The following MYO18B variants were observed in gnomAD, a reference collection of about 807,000 sequenced individuals.
MYO18B encodes unconventional myosin-XVIIIb.
MYO18B carries 204 observed loss-of-function variants against 273.0 expected under a neutral mutation model. The ratio of observed to expected loss-of-function variants is 0.75; its 90% CI spans 0.67 to 0.84. The LOEUF is 0.84. Among genes scored for constraint, MYO18B ranks in the 40% least tolerant of loss-of-function variants. The pLI, the probability that MYO18B is intolerant of heterozygous loss-of-function variation, is 0.00. For synonymous variants in MYO18B, 1,330 were observed against 1,305.7 expected (o/e 1.02, Z -0.40); for missense variants, 3,212 against 3,287.6 (o/e 0.98, Z 0.56).
At chr22:25,789,885 G>A (rs1197343589) in intron 11 of MYO18B, among the ~76,000 whole-genome samples, 1 of 152,156 alleles carries the variant, frequency 6.6e-6, no homozygotes, top group Non-Finnish European at 1.5e-5. Context: ...GGGCATGGTG[G>A]CTCATGCCTG....
chr22:25,850,311 G>A (rs748678450), intron 20 of MYO18B, among the ~76,000 whole-genome samples: 6 of 152,120 alleles, frequency 3.9e-5, no homozygotes, highest in Non-Finnish European at 8.8e-5. Flanking sequence ...TCGAGACCTG[G>A]AATTTGCGCT....
chr22:25,896,883 T>C (rs1420737459), intron 28 of MYO18B: 1 of 152,172 alleles, frequency 6.6e-6, no homozygotes, highest in Non-Finnish European at 1.5e-5. Flanking sequence ...ATGCACAGAA[T>C]TAGCTCTGTG....
chr22:25,846,906 C>T (rs5761273), intron 19 of MYO18B, among the ~76,000 whole-genome samples: 52,901 of 151,846 alleles, frequency 0.35, 9,939 homozygotes, highest in East Asian at 0.68. Context: ...ATGGTGAAAC[C>T]CTGTCTTTAC....
chr22:25,794,396 AGG>A (rs879659617), intron 11 of MYO18B, among the ~76,000 whole-genome samples: 2,394 of 151,276 alleles, frequency 0.016, 53 homozygotes, highest in African/African-American at 0.054. Context: ...TTGTAGAGAC[AGG>A]GTCTCACTCT....
chr22:25,912,234 T>C (rs1304623402), intron 33 of MYO18B, among the ~76,000 whole-genome samples: 1 of 152,180 alleles, frequency 6.6e-6, no homozygotes, highest in African/African-American at 2.4e-5. Flanking sequence ...AATATAATCT[T>C]CCTTCTTCTC....
intron 12 of MYO18B, among the ~76,000 whole-genome samples, chr22:25,822,267 T>C (rs1021069617): frequency 3.9e-5 from 6 of 152,192 alleles, no homozygotes; most frequent in African/African-American, 1.4e-4. Flanking sequence ...AGTACCTCCT[T>C]CTCACCTTTC....
intron 43 of MYO18B, among the ~76,000 whole-genome samples, chr22:26,030,120 C>A (rs1569314543): frequency 6.6e-6 from 1 of 152,208 alleles, no homozygotes. Context: ...CCCATAATCC[C>A]AGTTCTTTGG....
In MYO18B at chr22:25,780,072, C is replaced by A; in HGVS notation, c.2085C>A (p.Ala695=). 1 of 1,594,428 alleles carries A rather than the reference C, an allele frequency of 6.3e-7. No individual in the cohort carries two copies. The part of the protein sequence containing the change: ...DGRVSVEKIR[A]TFTVLRAFGS... ...CCCCAACAGTGGAGAAGATCCGAGC[C>A]ACCTTCACTGTCCTCCGGGCCTTCG... Residue 695 remains alanine, a synonymous_variant, in exon 9 of 44, where the codon GCC becomes GCA. Transcript: ENST00000335473.
At chr22:25,975,492 G>A (rs1256776237) in intron 39 of MYO18B, among the ~76,000 whole-genome samples, 1 of 152,130 alleles carries the variant, frequency 6.6e-6, no homozygotes, top group Non-Finnish European at 1.5e-5. Flanking sequence ...AAGTGCTTTC[G>A]ATATACCATC....
At chr22:26,015,484 G>T (rs923070583) in intron 42 of MYO18B, among the ~76,000 whole-genome samples, 4 of 152,186 alleles carry the variant, frequency 2.6e-5, no homozygotes, top group Non-Finnish European at 5.9e-5. Context: ...AAAAGAATGA[G>T]ATCATGTCCT....
In MYO18B at chr22:26,012,623, C is replaced by T. The variant is rs76527677; in HGVS notation, c.6470+7768C>T. The stretch of plus-strand genomic sequence containing the variant: ...GGATTTATCCTTAGGACCCAAATCC[C>T]TCTCAGACAGGTATTTATAGGAAGG... On this transcript the variant is annotated intron_variant, in intron 42 of 43. Transcript: ENST00000335473. 7.3e-3 allele frequency among the ~76,000 whole-genome samples: 1,108 copies of T among 152,310 alleles called. 7 individuals carry two copies. Among genetic ancestry groups the T allele is most frequent in the Non-Finnish European group, 9.8e-3 (668 of 68,030 alleles).
At chr22:26,035,193 A>G (rs1031234719), downstream of MYO18B, among the ~76,000 whole-genome samples, 1 of 152,222 alleles carries the variant, frequency 6.6e-6, no homozygotes. Context: ...GAAATGAACA[A>G]TTATCAAAAT....
At position 26,011,368 on chromosome 22, in the gene MYO18B, C is replaced by T. The variant is rs550239904; in HGVS notation, c.6470+6513C>T. Among the ~76,000 whole-genome samples the T allele has an allele frequency of 3.9e-5, 6 of 152,292 alleles. No homozygotes were observed. In the South Asian group the frequency reaches 1.2e-3, roughly 32 times the overall value. Reference sequence around the variant, plus strand: ...TACCTTTGGCCTAAGTCAGTCTTCTCACCTGGCTCTTGGAAATTCCCACCA... The same window carrying T: ...TACCTTTGGCCTAAGTCAGTCTTCTTACCTGGCTCTTGGAAATTCCCACCA... On this transcript the variant is annotated intron_variant, in intron 42 of 43. Transcript: ENST00000335473.
chr22:25,949,551 G>T (rs2092767484), intron 36 of MYO18B, among the ~76,000 whole-genome samples: 1 of 152,174 alleles, frequency 6.6e-6, no homozygotes, highest in Admixed American at 6.5e-5. Flanking sequence ...TACCTGCCAC[G>T]CTCTAAATGC....
chr22:25,770,366 A>G (rs1309466962), intron 5 of MYO18B, among the ~76,000 whole-genome samples, 190 bp downstream of exon 5: 2 of 152,206 alleles, frequency 1.3e-5, no homozygotes, highest in Non-Finnish European at 2.9e-5. Context: ...CACTAATGCA[A>G]CAAGCATGCT....
At chr22:25,935,445 A>G (rs556856586) in intron 34 of MYO18B, among the ~76,000 whole-genome samples, 21 of 152,290 alleles carry the variant, frequency 1.4e-4, no homozygotes, top group African/African-American at 4.6e-4. Context: ...TTCCAAATCA[A>G]TTGTCTGCTC....
At chr22:26,023,285 T>C (rs1350286991) in intron 42 of MYO18B, among the ~76,000 whole-genome samples, 2 of 152,192 alleles carry the variant, frequency 1.3e-5, no homozygotes, top group Non-Finnish European at 2.9e-5. Flanking sequence ...ACCTCTTCTT[T>C]CTCATCTACC....
intron 10 of MYO18B, among the ~76,000 whole-genome samples, chr22:25,784,545 G>T (rs528787013): frequency 6.6e-6 from 1 of 152,344 alleles, no homozygotes; most frequent in South Asian, 2.1e-4. Context: ...GGGGTGTGGG[G>T]TCTGTAGAGA....
At chr22:25,881,308 G>A (rs186366517) in intron 25 of MYO18B, among the ~76,000 whole-genome samples, 1 of 152,382 alleles carries the variant, frequency 6.6e-6, no homozygotes, top group East Asian at 1.9e-4. Flanking sequence ...CCACACAAGA[G>A]TTAAGAGAGG....
Sources: allele counts gnomAD v4.1 joint callset (sites outside exome capture counted in the v4.1 genomes callset), GRCh38; gene constraint gnomAD v4.1.1; transcripts MANE v1.5; gene names NCBI Gene and HGNC (gene_info 2026-07-23, HGNC 2026-07-21).